LRRTM4: variants seen among roughly 807,000 people sequenced by gnomAD.
The protein encoded by LRRTM4 is leucine-rich repeat transmembrane neuronal protein 4.
In LRRTM4, 25 loss-of-function variants were observed where a neutral mutation model predicts 47.6. The ratio of observed to expected loss-of-function variants is 0.53; its 90% CI spans 0.38 to 0.73. The LOEUF (loss-of-function observed/expected upper bound fraction) is 0.73. LRRTM4 is among the 30% of genes least tolerant of loss of function. LRRTM4 has a pLI of 0.00. For synonymous variants in LRRTM4, 311 were observed against 269.5 expected, an observed-to-expected ratio of 1.15 and a Z score of -1.51; for missense variants, 638 against 713.4, an observed-to-expected ratio of 0.89 and a Z score of 1.20.
chr2:77,226,892 A>T (rs1042908012), intron 3 of LRRTM4, among the ~76,000 whole-genome samples: 5 of 151,940 alleles, frequency 3.3e-5, no homozygotes, highest in African/African-American at 1.2e-4. Flanking sequence ...CATACAGTGT[A>T]CCTCTAAGAT....
intron 3 of LRRTM4, among the ~76,000 whole-genome samples, chr2:77,141,629 T>C (rs1672126108): frequency 6.6e-6 from 1 of 152,010 alleles, no homozygotes; most frequent in Non-Finnish European, 1.5e-5. Flanking sequence ...AAAAAAATGG[T>C]TTAACTCTAT....
At chr2:77,108,302 GAGA>G (rs1001954008) in intron 3 of LRRTM4, among the ~76,000 whole-genome samples, 11 of 152,156 alleles carry the variant, frequency 7.2e-5, no homozygotes, top group Admixed American at 1.3e-4. Flanking sequence ...GGAAGAAAAG[GAGA>G]AGGAGTAGAA....
intron 3 of LRRTM4, among the ~76,000 whole-genome samples, chr2:77,414,916 CT>C (rs898512462): frequency 2.6e-5 from 4 of 151,982 alleles, no homozygotes; most frequent in Non-Finnish European, 1.5e-5. Flanking sequence ...TTTCCAATGC[CT>C]TTTTTTTCAT....
chr2:77,017,788 T>G (rs1330412523), intron 3 of LRRTM4, among the ~76,000 whole-genome samples: 1 of 143,712 alleles, frequency 7.0e-6, no homozygotes, highest in African/African-American at 3.0e-5. Context: ...CTCCTAACTT[T>G]ATTTGATTAA....
intron 3 of LRRTM4, among the ~76,000 whole-genome samples, chr2:76,789,795 G>T (rs1238094156): frequency 1.3e-5 from 2 of 152,142 alleles, no homozygotes; most frequent in African/African-American, 2.4e-5. Context: ...CAAAGGCATG[G>T]TGTCTTCCCA....
At chr2:77,460,296 A>G (rs1676738410) in intron 3 of LRRTM4, among the ~76,000 whole-genome samples, 1 of 152,084 alleles carries the variant, frequency 6.6e-6, no homozygotes, top group African/African-American at 2.4e-5. Flanking sequence ...ACTGCATTTT[A>G]TTATGTGTAG....
intron 3 of LRRTM4, among the ~76,000 whole-genome samples, chr2:77,269,809 T>C (rs1384939641): frequency 1.3e-5 from 2 of 152,192 alleles, no homozygotes; most frequent in Non-Finnish European, 2.9e-5. Context: ...AAGCAAATAA[T>C]AAAAGAGACT....
At chr2:77,315,637 T>C (rs1375102300) in intron 3 of LRRTM4, among the ~76,000 whole-genome samples, 1 of 152,194 alleles carries the variant, frequency 6.6e-6, no homozygotes, top group African/African-American at 2.4e-5. Context: ...CTAACCTTCC[T>C]TTCCTTTGAG....
chr2:76,812,363 A>T (rs1183391862), intron 3 of LRRTM4, among the ~76,000 whole-genome samples: 3 of 152,206 alleles, frequency 2.0e-5, no homozygotes, highest in Non-Finnish European at 4.4e-5. Context: ...CTGGCCACTA[A>T]CCAATGAAAT....
intron 3 of LRRTM4, among the ~76,000 whole-genome samples, chr2:76,955,106 G>C (rs999408751): frequency 6.6e-6 from 1 of 151,758 alleles, no homozygotes; most frequent in East Asian, 2.0e-4. Flanking sequence ...AAAATAAAAG[G>C]ACACAAGACA....
intron 3 of LRRTM4, among the ~76,000 whole-genome samples, chr2:77,390,544 CAT>C (rs1673462447): frequency 6.6e-6 from 1 of 151,858 alleles, no homozygotes; most frequent in Non-Finnish European, 1.5e-5. Flanking sequence ...TTAGACATAA[CAT>C]ATGTGAAGCA....
chr2:77,448,485 A>C (rs1227828394), intron 3 of LRRTM4, among the ~76,000 whole-genome samples: 3 of 152,222 alleles, frequency 2.0e-5, no homozygotes, highest in Non-Finnish European at 4.4e-5. Flanking sequence ...TATTATCAAA[A>C]AAATCTCTTT....
chr2:77,216,578 T>C (rs1674446609), intron 3 of LRRTM4, among the ~76,000 whole-genome samples: 1 of 152,130 alleles, frequency 6.6e-6, no homozygotes, highest in African/African-American at 2.4e-5. Context: ...AAATACAGTA[T>C]ATATTTATAA....
intron 3 of LRRTM4, among the ~76,000 whole-genome samples, chr2:77,439,661 T>A (rs1675754598): frequency 6.6e-6 from 1 of 152,218 alleles, no homozygotes; most frequent in African/African-American, 2.4e-5. Flanking sequence ...AATAAGGTTA[T>A]ATTTGAAAGT....
intron 3 of LRRTM4, among the ~76,000 whole-genome samples, chr2:76,905,950 A>T (rs1057437721): frequency 6.6e-6 from 1 of 152,154 alleles, no homozygotes; most frequent in Non-Finnish European, 1.5e-5. Context: ...GAACTTCCCC[A>T]ATCTAGCAAG....
intron 3 of LRRTM4, among the ~76,000 whole-genome samples, chr2:77,197,088 A>G (rs1417862253): frequency 6.6e-6 from 1 of 152,102 alleles, no homozygotes; most frequent in Non-Finnish European, 1.5e-5. Flanking sequence ...AAATTACAAC[A>G]TCTTAAATTT....
chr2:77,132,899 A>T (rs1453818599), intron 3 of LRRTM4, among the ~76,000 whole-genome samples: 1 of 152,050 alleles, frequency 6.6e-6, no homozygotes, highest in Non-Finnish European at 1.5e-5. Flanking sequence ...GGTGTAGAAC[A>T]TTGGGAGGGA....
At chr2:77,202,023 A>G (rs1055626639) in intron 3 of LRRTM4, among the ~76,000 whole-genome samples, 5 of 152,098 alleles carry the variant, frequency 3.3e-5, no homozygotes, top group Non-Finnish European at 5.9e-5. Context: ...GAAGGTTGTT[A>G]AAAGTTTAAG....
chr2:77,334,195 TC>T (rs1324358396), intron 3 of LRRTM4, among the ~76,000 whole-genome samples: 25 of 152,270 alleles, frequency 1.6e-4, no homozygotes, highest in African/African-American at 5.1e-4. Context: ...TTGCCTTGTC[TC>T]AGATGAGATG....
Sources: gnomAD v4.1 joint callset for allele counts (sites outside exome capture counted in the v4.1 genomes callset) on GRCh38, gnomAD v4.1.1 for gene constraint, MANE v1.5 for transcripts, NCBI Gene and HGNC (gene_info 2026-07-23, HGNC 2026-07-21) for gene names.